ADAMTS3: variants seen among roughly 807,000 people sequenced by gnomAD.
The protein encoded by ADAMTS3 is ADAM metallopeptidase with thrombospondin type 1 motif 3, also known as A disintegrin and metalloproteinase with thrombospondin motifs 3.
A neutral mutation model predicts 129.0 loss-of-function variants in ADAMTS3; 73 were observed. The observed-to-expected ratio is 0.57, with a 90% CI of 0.47 to 0.69. The LOEUF is 0.69. ADAMTS3 is among the 30% of genes least tolerant of loss of function. ADAMTS3 has a pLI of 0.00. For synonymous variants in ADAMTS3, 477 were observed against 510.8 expected, an observed-to-expected ratio of 0.93 and a Z score of 0.89; for missense variants, 1,457 against 1,514.5, an observed-to-expected ratio of 0.96 and a Z score of 0.63.
intron 3 of ADAMTS3, among the ~76,000 whole-genome samples, chr4:72,445,082 C>G (rs140789507): frequency 8.3e-4 from 126 of 151,500 alleles, no homozygotes; most frequent in African/African-American, 2.7e-3. Flanking sequence ...CTAATGGGCA[C>G]GTGGTTTATT....
chr4:72,389,646 G>A (rs1377428544), intron 4 of ADAMTS3, among the ~76,000 whole-genome samples: 4 of 152,024 alleles, frequency 2.6e-5, no homozygotes, highest in Non-Finnish European at 2.9e-5. Flanking sequence ...ATGTGCCAAC[G>A]TTAAGAGAAA....
At chr4:72,465,784 A>C (rs1385384117) in intron 3 of ADAMTS3, among the ~76,000 whole-genome samples, 1 of 152,006 alleles carries the variant, frequency 6.6e-6, no homozygotes. Flanking sequence ...GGCCATGTGG[A>C]GATAACTGAA....
intron 10 of ADAMTS3, among the ~76,000 whole-genome samples, chr4:72,317,961 G>A (rs564582255): frequency 5.3e-5 from 8 of 151,970 alleles, no homozygotes; most frequent in Non-Finnish European, 8.8e-5. Flanking sequence ...CTCAGGAGGC[G>A]GAGGTTGCAG....
At chr4:72,450,381 A>G (rs1323952927) in intron 3 of ADAMTS3, among the ~76,000 whole-genome samples, 1 of 151,750 alleles carries the variant, frequency 6.6e-6, no homozygotes, top group African/African-American at 2.4e-5. Flanking sequence ...CCCCTCTGCT[A>G]GAAAACAGAC....
intron 3 of ADAMTS3, among the ~76,000 whole-genome samples, chr4:72,455,833 AG>A (rs1718540731): frequency 8.0e-6 from 1 of 125,560 alleles, no homozygotes; most frequent in Non-Finnish European, 1.6e-5. Flanking sequence ...TAGTATATAC[AG>A]TGTATATACT....
intron 3 of ADAMTS3, among the ~76,000 whole-genome samples, chr4:72,487,627 A>G (rs1360039156): frequency 6.6e-6 from 1 of 152,130 alleles, no homozygotes; most frequent in Non-Finnish European, 1.5e-5. Flanking sequence ...AACGCTTTCC[A>G]TCTCTTATTA....
At chr4:72,283,853 A>G in intron 21 of ADAMTS3, 149 bp from the exon 22 acceptor site, 1 of 606,590 alleles carries the variant, frequency 1.6e-6, no homozygotes, top group Non-Finnish European at 2.7e-6. Context: ...TGCATTAAAA[A>G]TATGAATATT....
At chr4:72,316,206 T>C (rs1054437410) in intron 10 of ADAMTS3, among the ~76,000 whole-genome samples, 1 of 152,230 alleles carries the variant, frequency 6.6e-6, no homozygotes, top group Non-Finnish European at 1.5e-5. Context: ...ATTATCTGGT[T>C]GACTTTTAAG....
At chr4:72,289,291 T>C (rs957003109) in intron 20 of ADAMTS3, among the ~76,000 whole-genome samples, 1 of 152,182 alleles carries the variant, frequency 6.6e-6, no homozygotes, top group Non-Finnish European at 1.5e-5. Context: ...CTAAATACAA[T>C]GTTGATGATG....
chr4:72,406,648 T>C (rs1288800351), intron 4 of ADAMTS3, among the ~76,000 whole-genome samples: 3 of 152,210 alleles, frequency 2.0e-5, no homozygotes. Flanking sequence ...GATGCTTTTA[T>C]GTACACTGCA....
intron 3 of ADAMTS3, among the ~76,000 whole-genome samples, chr4:72,486,208 C>A (rs1425598204): frequency 6.6e-6 from 1 of 152,140 alleles, no homozygotes; most frequent in Non-Finnish European, 1.5e-5. Flanking sequence ...AAACTAAGAT[C>A]TACATAAATC....
In ADAMTS3 at chr4:72,315,955, G is replaced by A. The variant is rs962651586; in HGVS notation, c.1502C>T (p.Pro501Leu). 3.7e-6 allele frequency: 6 copies of A among 1,609,558 alleles called. No homozygotes were observed. Among genetic ancestry groups the A allele is most frequent in the Admixed American group, 3.4e-5 (2 of 59,110 alleles). Residue 501 changes from proline to leucine, a missense_variant, in exon 11 of 22, where the codon CCA becomes CTA. By Grantham distance (98) the Pro-to-Leu change is moderately conservative. Coordinates refer to ENST00000286657, the MANE Select transcript of ADAMTS3 (RefSeq NM_014243.3). The part of the protein sequence containing the change: ...KMCTAFRTFD[P>L]CKQLWCSHPD... ...ATGGCTACACCACAGCTGTTTACAT[G>A]GGTCAAAGGTTCGGAACTGGAAGAT...
chr4:72,284,433 A>G (rs2109762989), intron 21 of ADAMTS3, among the ~76,000 whole-genome samples: 1 of 141,624 alleles, frequency 7.1e-6, no homozygotes, highest in African/African-American at 2.5e-5. Context: ...TGACAGAGCG[A>G]GACTCTGTCT....
chr4:72,387,789 T>A (rs1485190482), intron 4 of ADAMTS3, among the ~76,000 whole-genome samples: 2 of 152,236 alleles, frequency 1.3e-5, no homozygotes, highest in East Asian at 3.9e-4. Flanking sequence ...AAGGGATCCA[T>A]CTCTTCCTAG....
At chr4:72,450,684 T>C (rs550825638) in intron 3 of ADAMTS3, among the ~76,000 whole-genome samples, 1 of 151,760 alleles carries the variant, frequency 6.6e-6, no homozygotes, top group East Asian at 2.0e-4. Flanking sequence ...GTCCTACTAC[T>C]GCAAAAGTGT....
At chr4:72,440,630 A>G (rs1296108817) in intron 3 of ADAMTS3, among the ~76,000 whole-genome samples, 1 of 151,776 alleles carries the variant, frequency 6.6e-6, no homozygotes, top group Non-Finnish European at 1.5e-5. Context: ...TAACAGGCAC[A>G]GCAACCTCCT....
chr4:72,388,553 A>C (rs980532), intron 4 of ADAMTS3, among the ~76,000 whole-genome samples: 149,108 of 152,254 alleles, frequency 0.98, 73,077 homozygotes, highest in Non-Finnish European at 1. Flanking sequence ...CCCTTGTGAG[A>C]CTTATCTTAC....
intron 4 of ADAMTS3, among the ~76,000 whole-genome samples, chr4:72,353,603 C>A (rs1465623440): frequency 2.6e-5 from 4 of 152,032 alleles, no homozygotes; most frequent in Admixed American, 2.6e-4. Flanking sequence ...ATAGCAGCTA[C>A]CAGGGTGGGC....
intron 2 of ADAMTS3, among the ~76,000 whole-genome samples, chr4:72,558,720 TC>T (rs1257630093): frequency 6.6e-6 from 1 of 151,616 alleles, no homozygotes; most frequent in Admixed American, 6.6e-5. Flanking sequence ...TCAGCATGCA[TC>T]CCTCCTTTTT....
Sources: gnomAD v4.1 joint callset for allele counts (sites outside exome capture counted in the v4.1 genomes callset) on GRCh38, gnomAD v4.1.1 for gene constraint, MANE v1.5 for transcripts, NCBI Gene and HGNC (gene_info 2026-07-23, HGNC 2026-07-21) for gene names.